MON2: variants seen among roughly 807,000 people sequenced by gnomAD.
MON2 encodes MON2 regulator of endosome-to-Golgi trafficking.
In MON2, 84 loss-of-function variants were observed where a neutral mutation model predicts 208.6. The ratio of observed to expected loss-of-function variants is 0.40; its 90% CI spans 0.34 to 0.48. MON2 has a LOEUF of 0.48. MON2 is among the 20% of genes least tolerant of loss of function. MON2 has a pLI of 0.59. For synonymous variants in MON2, 660 were observed against 694.0 expected, an observed-to-expected ratio of 0.95 and a Z score of 0.77; for missense variants, 1,611 against 2,015.4, an observed-to-expected ratio of 0.80 and a Z score of 3.84.
chr12:62,573,515 C>T (rs1030882355), intron 30 of MON2, among the ~76,000 whole-genome samples: 1 of 150,622 alleles, frequency 6.6e-6, no homozygotes, highest in African/African-American at 2.4e-5. Context: ...TTGCCGAGGC[C>T]CAGGAGTCAA....
At chr12:62,545,304 C>G (rs2073432487) in intron 21 of MON2, among the ~76,000 whole-genome samples, 1 of 151,254 alleles carries the variant, frequency 6.6e-6, no homozygotes, top group East Asian at 1.9e-4. Context: ...TTTGGAGCCT[C>G]TTTTGCTTTG....
In MON2 at chr12:62,548,837, T is replaced by C. The variant is rs537647724; in HGVS notation, c.2754-831T>C. On this transcript the variant is annotated intron_variant, in intron 22 of 34. Coordinates refer to ENST00000393630, the MANE Select transcript of MON2 (RefSeq NM_015026.3). ...TTTCTCCAAAACTAAATACTTCTTA[T>C]TATCTTTATTTGAAATTCAAAATTT... is the stretch of plus-strand genomic sequence containing the variant. 2.6e-3 allele frequency among the ~76,000 whole-genome samples: 390 copies of C among 152,324 alleles called. 1 individual carries two copies. The highest frequency in any genetic ancestry group is 6.8e-3 in the Middle Eastern group (2 of 294).
rs935676933 is a variant in MON2 at position 62,545,071 on chromosome 12, A to AT, written c.2577+70dup. On this transcript the variant is annotated intron_variant, in intron 21 of 34. Transcript: ENST00000393630. Reference sequence around the variant, plus strand: ...ATAAAATTATCCTCCTCCATATGTGATTTTTTTCTTATCAGGTAGATCATA... The same window carrying AT: ...ATAAAATTATCCTCCTCCATATGTGATTTTTTTTCTTATCAGGTAGATCATA... 6.9e-5 allele frequency: 74 copies of AT among 1,076,314 alleles called. No homozygotes were observed. In the East Asian group the frequency reaches 9.2e-4, roughly 13 times the overall value. 66.7% of individuals were successfully genotyped at this position (1,076,314 alleles called of 1,614,324 possible).
At chr12:62,555,962 G>A (rs2073952947) in intron 24 of MON2, 32 bp from the exon 25 acceptor site, 3 of 1,469,200 alleles carry the variant, frequency 2.0e-6, no homozygotes, top group Non-Finnish European at 2.8e-6. Context: ...TATTATCAAT[G>A]CATTTTAAAT....
chr12:62,477,152 G>A (rs2069133625), intron 1 of MON2, among the ~76,000 whole-genome samples: 1 of 151,980 alleles, frequency 6.6e-6, no homozygotes, highest in Admixed American at 6.6e-5. Context: ...CCTTTCAAAG[G>A]ATGTCCTTAC....
chr12:62,467,955 G>A (rs2068595888), intron 1 of MON2, among the ~76,000 whole-genome samples: 1 of 147,102 alleles, frequency 6.8e-6, no homozygotes, highest in African/African-American at 2.5e-5. Flanking sequence ...TGAGCTTCGG[G>A]TTTTTTTTTC....
At chr12:62,564,070 G>T (rs992297097) in intron 26 of MON2, among the ~76,000 whole-genome samples, 8 of 152,166 alleles carry the variant, frequency 5.3e-5, no homozygotes, top group Non-Finnish European at 1.2e-4. Flanking sequence ...GGTATTAGAT[G>T]TCTTTTTACT....
chr12:62,510,342 A>C (rs1188167605), intron 8 of MON2, among the ~76,000 whole-genome samples: 1 of 152,164 alleles, frequency 6.6e-6, no homozygotes, highest in Non-Finnish European at 1.5e-5. Flanking sequence ...AGGAAAAAAA[A>C]ACAGATCAAG....
chr12:62,576,289 T>A (rs1187142051), intron 30 of MON2, among the ~76,000 whole-genome samples: 2 of 151,940 alleles, frequency 1.3e-5, no homozygotes, highest in Admixed American at 1.3e-4. Context: ...CAAAGTAGAT[T>A]TATGGTTCCC....
At chr12:62,485,349 T>A (rs2069707464) in intron 2 of MON2, among the ~76,000 whole-genome samples, 2 of 152,230 alleles carry the variant, frequency 1.3e-5, no homozygotes, top group Admixed American at 6.5e-5. Flanking sequence ...TTACATTTTT[T>A]AAAAGGGATA....
At chr12:62,576,825 A>T (rs2136435717) in intron 30 of MON2, among the ~76,000 whole-genome samples, 1 of 151,904 alleles carries the variant, frequency 6.6e-6, no homozygotes, top group East Asian at 1.9e-4. Context: ...ATGATATTTT[A>T]AAAATCTAGT....
rs1671778087 is a variant in MON2, at chr12:62,578,453, C to T, written c.4523C>T (p.Pro1508Leu). ...EDFLFTKSIP[P>L]DNLSIQEFQR... is the part of the protein sequence containing the mutation. ...GTGTTTTTTTTTTTTAGCATACCTC[C>T]AGATAATCTCTCTATTCAAGAGTTT... The change falls in exon 31 of 35, where the codon CCA (proline) becomes CTA (leucine). Residue 1508 changes from proline (P) to leucine (L), a missense_variant. By Grantham distance (98) the Pro-to-Leu change is moderately conservative. Coordinates refer to ENST00000393630, the MANE Select transcript of MON2 (RefSeq NM_015026.3). 1.4e-6 allele frequency: 2 copies of T among 1,451,022 alleles called. No individual in the cohort carries two copies. Among genetic ancestry groups the T allele is most frequent in the Non-Finnish European group, 1.9e-6 (2 of 1,061,086 alleles). 89.9% of individuals were successfully genotyped at this position (1,451,022 alleles called of 1,614,324 possible).
At chr12:62,501,542 G>GC in intron 6 of MON2, 31 bp from the exon 7 acceptor site, 2 of 1,607,490 alleles carry the variant, frequency 1.2e-6, no homozygotes, top group Non-Finnish European at 1.7e-6. Flanking sequence ...TTTAATTCTA[G>GC]CATGTGAAAT....
intron 2 of MON2, among the ~76,000 whole-genome samples, chr12:62,489,876 A>AAGC (rs2070019112): frequency 6.6e-6 from 1 of 152,124 alleles, no homozygotes; most frequent in Non-Finnish European, 1.5e-5. Flanking sequence ...ACTAGATTTT[A>AAGC]AGCATTTTGA....
rs747116099 is a variant in MON2, at chr12:62,534,829, GT to G, written c.1634-9del. On this transcript the variant is annotated splice_polypyrimidine_tract_variant and intron_variant, in intron 12 of 34. Transcript: ENST00000393630. ...CTATAATTAAAATTAAATATTGTAT[GT>G]TTTTTTCCTTTAAGTTAGTAGGGCT... 2 of 1,583,758 alleles carry G rather than the reference GT, an allele frequency of 1.3e-6. No individual in the cohort carries two copies. The highest frequency in any genetic ancestry group is 8.7e-7 in the Non-Finnish European group (1 of 1,154,166).
chr12:62,520,377 A>G (rs1458855827), intron 8 of MON2, among the ~76,000 whole-genome samples: 1 of 152,132 alleles, frequency 6.6e-6, no homozygotes, highest in East Asian at 1.9e-4. Flanking sequence ...TGAAAGCTCA[A>G]ATTTTATTAT....
At chr12:62,494,149 C>A in intron 3 of MON2, 107 bp downstream of exon 3, 2 of 1,045,612 alleles carry the variant, frequency 1.9e-6, no homozygotes, top group Non-Finnish European at 2.7e-6. Context: ...TTACAAATAG[C>A]AATGTGCTCG....
At chr12:62,474,818 C>T (rs768776503) in intron 1 of MON2, among the ~76,000 whole-genome samples, 1 of 152,168 alleles carries the variant, frequency 6.6e-6, no homozygotes, top group Non-Finnish European at 1.5e-5. Context: ...GCACTGTTGC[C>T]TACTTTAGTC....
chr12:62,489,958 T>A, intron 2 of MON2: 1 of 890,838 alleles, frequency 1.1e-6, no homozygotes, highest in Non-Finnish European at 1.5e-6. Context: ...GCTGTTAAAA[T>A]TTTTCACAAT....
Sources: gnomAD v4.1 joint callset for allele counts (sites outside exome capture counted in the v4.1 genomes callset) on GRCh38, gnomAD v4.1.1 for gene constraint, MANE v1.5 for transcripts, NCBI Gene and HGNC (gene_info 2026-07-23, HGNC 2026-07-21) for gene names.